Variants in MATN2 observed in about 807,000 individuals in gnomAD.
MATN2 encodes the protein matrilin 2.
In MATN2, 69 loss-of-function variants were observed where a neutral mutation model predicts 103.2. That is an observed-to-expected ratio of 0.67 (90% CI 0.55 to 0.82). The LOEUF (loss-of-function observed/expected upper bound fraction) is 0.82, where lower values mean the gene tolerates loss of function less well. MATN2 is among the 40% of genes least tolerant of loss of function. MATN2 has a pLI of 0.00. For missense variants in MATN2, 1,023 were observed against 1,211.5 expected, an observed-to-expected ratio of 0.84 and a Z score of 2.31; for synonymous variants, 429 against 450.2, an observed-to-expected ratio of 0.95 and a Z score of 0.60.
chr8:97,870,723 A>G (rs1817865105), intron 1 of MATN2, among the ~76,000 whole-genome samples: 1 of 152,170 alleles, frequency 6.6e-6, no homozygotes, highest in South Asian at 2.1e-4. Context: ...TGCAACTGGT[A>G]GTTCCATGCA....
At chr8:98,028,658 C>T (rs1586173657) in intron 14 of MATN2, among the ~76,000 whole-genome samples, 1 of 152,180 alleles carries the variant, frequency 6.6e-6, no homozygotes, top group East Asian at 1.9e-4. Flanking sequence ...GCGATGTCAG[C>T]TCACTGCAAG....
Position 97,888,075 on chromosome 8 carries a change from C to A in MATN2, c.-26C>A. On this transcript the variant is annotated splice_region_variant and 5_prime_UTR_variant, in exon 2 of 19. Transcript: ENST00000254898. Reference sequence around the variant, plus strand: ...TCTTCTTGTGTTGTGTTTGTCACAGCCTTGCCCCTCTTGCTCGCCTTGAAA... The same window carrying A: ...TCTTCTTGTGTTGTGTTTGTCACAGACTTGCCCCTCTTGCTCGCCTTGAAA... 1 of 1,606,558 alleles carries A rather than the reference C, an allele frequency of 6.2e-7. No homozygotes were observed. The highest frequency in any genetic ancestry group is 8.5e-7 in the Non-Finnish European group (1 of 1,176,822).
In MATN2 at chr8:97,898,597, C is replaced by CAA. The variant is rs1272617710; in HGVS notation, c.142+10372_142+10373dup. Among the ~76,000 whole-genome samples, 335 of 92,172 alleles carry CAA rather than the reference C, an allele frequency of 3.6e-3. 2 individuals are homozygous for CAA. The highest frequency in any genetic ancestry group is 8.5e-3 in the South Asian group (25 of 2,952). The allele number at this position is 92,172 out of a possible 152,430, so 60.5% of individuals were successfully genotyped here. ...GGGCAACAAGAGTGAAACTCCTTCT[C>CAA]AAAAAAAAAAAAAAAAAATAGTAGT... On this transcript the variant is annotated intron_variant, in intron 2 of 18. Coordinates refer to ENST00000254898, the MANE Select transcript of MATN2 (RefSeq NM_002380.5).
chr8:97,882,050 T>C (rs1256272614), intron 1 of MATN2, among the ~76,000 whole-genome samples: 2 of 150,662 alleles, frequency 1.3e-5, no homozygotes, highest in Non-Finnish European at 2.9e-5. Context: ...CCCTCCCAAG[T>C]AGCTGGGATT....
At chr8:97,959,957 C>CT (rs1027087455) in intron 4 of MATN2, among the ~76,000 whole-genome samples, 5 of 151,796 alleles carry the variant, frequency 3.3e-5, no homozygotes, top group Non-Finnish European at 4.4e-5. Flanking sequence ...GTAGTGATAG[C>CT]TTTTTTTTGT....
intron 2 of MATN2, among the ~76,000 whole-genome samples, chr8:97,915,741 G>A (rs1201611059): frequency 6.6e-6 from 1 of 152,186 alleles, no homozygotes; most frequent in Non-Finnish European, 1.5e-5. Context: ...TGCCCCTGTG[G>A]GTCAAATGCC....
At chr8:97,975,552 G>T (rs1215906010) in intron 5 of MATN2, among the ~76,000 whole-genome samples, 3 of 152,164 alleles carry the variant, frequency 2.0e-5, no homozygotes, top group Non-Finnish European at 4.4e-5. Flanking sequence ...TGACTTTTAG[G>T]TATAGAGACC....
chr8:97,892,268 C>G (rs1430519762), intron 2 of MATN2, among the ~76,000 whole-genome samples: 1 of 150,394 alleles, frequency 6.6e-6, no homozygotes, highest in Non-Finnish European at 1.5e-5. Flanking sequence ...AAAAAATTAG[C>G]CGGGTGTGGT....
intron 4 of MATN2, among the ~76,000 whole-genome samples, chr8:97,946,399 A>C (rs1379672929): frequency 6.6e-6 from 1 of 152,202 alleles, no homozygotes; most frequent in Non-Finnish European, 1.5e-5. Context: ...TGCCTTTCAA[A>C]AAGTCTTCCC....
At chr8:97,987,611 G>T (rs1333160038) in intron 6 of MATN2, among the ~76,000 whole-genome samples, 1 of 152,046 alleles carries the variant, frequency 6.6e-6, no homozygotes, top group Non-Finnish European at 1.5e-5. Context: ...GTTTATTGGT[G>T]TTATTATTTG....
chr8:97,870,224 A>C (rs1292342692), intron 1 of MATN2, among the ~76,000 whole-genome samples: 1 of 152,180 alleles, frequency 6.6e-6, no homozygotes, highest in Non-Finnish European at 1.5e-5. Context: ...GTGAGGATTA[A>C]ATGAGATATG....
chr8:97,995,995 ATT>A (rs1812571931), intron 7 of MATN2, among the ~76,000 whole-genome samples: 1 of 152,166 alleles, frequency 6.6e-6, no homozygotes, highest in Middle Eastern at 3.2e-3. Context: ...CCTCTGTGCT[ATT>A]TACACCTTTT....
Position 97,931,551 on chromosome 8 carries a change from A to G in MATN2, c.712+29A>G, listed in dbSNP as rs1302179288. 3 of 1,548,328 alleles carry G rather than the reference A, an allele frequency of 1.9e-6. No individual in the cohort carries two copies. The highest frequency in any genetic ancestry group is 2.6e-6 in the Non-Finnish European group (3 of 1,147,282). On this transcript the variant is annotated intron_variant, in intron 3 of 18. Transcript: ENST00000254898. This position sits in a 1 kb window ranked among gnomAD's most constrained non-coding sequence, Gnocchi z 4.1. Reference sequence around the variant, plus strand: ...AGTCCTGCTCCTTTGTCACTCTTCTAGAGGAACCACTAGAATTCATTCATT... The same window carrying G: ...AGTCCTGCTCCTTTGTCACTCTTCTGGAGGAACCACTAGAATTCATTCATT...
chr8:97,978,284 A>G (rs1811904301), intron 5 of MATN2, among the ~76,000 whole-genome samples: 1 of 152,232 alleles, frequency 6.6e-6, no homozygotes, highest in Non-Finnish European at 1.5e-5. Flanking sequence ...GAACACAGGA[A>G]CACATTTGTG....
At chr8:97,972,594 C>CAGAAATATA (rs1408242808) in intron 5 of MATN2, among the ~76,000 whole-genome samples, 1 of 152,214 alleles carries the variant, frequency 6.6e-6, no homozygotes, top group African/African-American at 2.4e-5. Flanking sequence ...TCTGCTAATG[C>CAGAAATATA]CATTCCCTTG....
intron 5 of MATN2, among the ~76,000 whole-genome samples, chr8:97,972,351 AAAAAGAAAAG>A: frequency 6.6e-6 from 1 of 150,424 alleles, no homozygotes; most frequent in East Asian, 1.9e-4. Context: ...AAAAAAAAAA[AAAAAGAAAAG>A]AAAAGAAAAG....
At chr8:97,974,053 C>T (rs1811753167) in intron 5 of MATN2, among the ~76,000 whole-genome samples, 1 of 152,068 alleles carries the variant, frequency 6.6e-6, no homozygotes, top group Admixed American at 6.6e-5. Flanking sequence ...TAGCAAATTG[C>T]TTTAATTTTT....
intron 13 of MATN2, 79 bp downstream of exon 13, chr8:98,021,406 T>C: frequency 6.9e-7 from 1 of 1,458,900 alleles, no homozygotes; most frequent in Non-Finnish European, 9.4e-7. Flanking sequence ...AGGCAACAAA[T>C]CCCTCACCTC....
At chr8:97,963,954 G>A (rs1414981981) in intron 5 of MATN2, among the ~76,000 whole-genome samples, 1 of 152,162 alleles carries the variant, frequency 6.6e-6, no homozygotes, top group South Asian at 2.1e-4. Context: ...TGAGTACAAC[G>A]CAAATGATAG....
Sources: allele counts gnomAD v4.1 joint callset (sites outside exome capture counted in the v4.1 genomes callset), GRCh38; gene constraint gnomAD v4.1.1; non-coding constraint Gnocchi (gnomAD v3.1); transcripts MANE v1.5; gene names NCBI Gene and HGNC (gene_info 2026-07-23, HGNC 2026-07-21).